LRRC37A2: variants seen among roughly 807,000 people sequenced by gnomAD.
The protein encoded by LRRC37A2 is leucine-rich repeat-containing protein 37A2.
LRRC37A2 carries 9 observed loss-of-function variants against 68.8 expected under a neutral mutation model. That is an observed-to-expected ratio of 0.13 (90% CI 0.08 to 0.23). The LOEUF (loss-of-function observed/expected upper bound fraction) is 0.23, where lower values mean the gene tolerates loss of function less well. Among genes scored for constraint, LRRC37A2 ranks in the 10% least tolerant of loss-of-function variants. The probability of loss-of-function intolerance (pLI) is 1.00; values close to 1 mark genes in which losing one functional copy is unlikely to be tolerated. For missense variants in LRRC37A2, 168 were observed against 950.4 expected (o/e 0.18, Z 10.82); for synonymous variants, 63 against 367.6 (o/e 0.17, Z 9.48).
chr17:46,973,708 C>G, the LRRC37A2 span, among the ~76,000 whole-genome samples: 1 of 152,186 alleles, frequency 6.6e-6, no homozygotes, highest in East Asian at 1.9e-4. Context: ...CTGCTGTGAT[C>G]TTTATTGACA....
At chr17:46,895,581 C>T in the LRRC37A2 span, among the ~76,000 whole-genome samples, 1 of 152,132 alleles carries the variant, frequency 6.6e-6, no homozygotes, top group Admixed American at 6.6e-5. Context: ...TCTCAATAGG[C>T]CTCTAGATAA....
At chr17:46,739,856 A>C in the LRRC37A2 span, among the ~76,000 whole-genome samples, 1 of 151,550 alleles carries the variant, frequency 6.6e-6, no homozygotes, top group Admixed American at 6.6e-5. Flanking sequence ...ACACCACCAC[A>C]CCCAGATAAT....
the LRRC37A2 span, among the ~76,000 whole-genome samples, chr17:46,968,502 C>T: frequency 6.6e-6 from 1 of 152,254 alleles, no homozygotes; most frequent in East Asian, 1.9e-4. Context: ...CCACCAGCCA[C>T]CCAGCCCCTG....
the LRRC37A2 span, among the ~76,000 whole-genome samples, chr17:46,922,656 A>T: frequency 2.0e-5 from 3 of 152,154 alleles, no homozygotes; most frequent in African/African-American, 4.8e-5. Context: ...CATTCAATGT[A>T]GGTTTACTGG....
the LRRC37A2 span, among the ~76,000 whole-genome samples, chr17:46,954,638 T>C: frequency 3.9e-5 from 6 of 152,238 alleles, no homozygotes; most frequent in African/African-American, 1.4e-4. Flanking sequence ...TTTCATGATA[T>C]TGATTCTTCC....
chr17:46,888,774 TAGC>T, the LRRC37A2 span, among the ~76,000 whole-genome samples: 5 of 152,162 alleles, frequency 3.3e-5, no homozygotes, highest in Admixed American at 1.3e-4. Flanking sequence ...ATACCGTTCA[TAGC>T]AGTGAAAACC....
chr17:46,948,070 CT>C, the LRRC37A2 span, among the ~76,000 whole-genome samples: 3,932 of 152,298 alleles, frequency 0.026, 409 homozygotes, highest in East Asian at 0.35. Flanking sequence ...CGCGCCCAGC[CT>C]AGAAGTGATT....
the LRRC37A2 span, among the ~76,000 whole-genome samples, chr17:46,928,500 C>T: frequency 2.6e-4 from 39 of 152,160 alleles, no homozygotes; most frequent in African/African-American, 8.9e-4. Flanking sequence ...AGCAGTATCC[C>T]GAGGACTGAT....
the LRRC37A2 span, among the ~76,000 whole-genome samples, chr17:46,714,785 A>T: frequency 9.8e-5 from 15 of 152,314 alleles, no homozygotes; most frequent in East Asian, 2.9e-3. Context: ...TTTTATTTAA[A>T]TTCTTTTTTT....
the LRRC37A2 span, among the ~76,000 whole-genome samples, chr17:46,808,967 TG>T: frequency 6.6e-6 from 1 of 152,068 alleles, no homozygotes; most frequent in Non-Finnish European, 1.5e-5. Flanking sequence ...CTGAGCCAAG[TG>T]GGGTCCGAGC....
the LRRC37A2 span, among the ~76,000 whole-genome samples, chr17:46,769,381 G>T: frequency 6.6e-6 from 1 of 152,086 alleles, no homozygotes; most frequent in Non-Finnish European, 1.5e-5. Flanking sequence ...TTAACACATG[G>T]GGAAACTGAG....
At chr17:46,960,324 A>G in the LRRC37A2 span, among the ~76,000 whole-genome samples, 1 of 152,218 alleles carries the variant, frequency 6.6e-6, no homozygotes, top group Non-Finnish European at 1.5e-5. Flanking sequence ...CATACATACA[A>G]ACAAACACAA....
chr17:46,772,661 C>G, the LRRC37A2 span, among the ~76,000 whole-genome samples: 1 of 152,206 alleles, frequency 6.6e-6, no homozygotes, highest in East Asian at 1.9e-4. Flanking sequence ...ACCCTCCTGT[C>G]CCATGACAAT....
the LRRC37A2 span, among the ~76,000 whole-genome samples, chr17:46,918,853 A>T: frequency 0.016 from 2,420 of 152,266 alleles, 61 homozygotes; most frequent in African/African-American, 0.056. Flanking sequence ...TTTCCCCTGC[A>T]CATCATATAT....
At chr17:46,392,419 CTCTTTCTTTCTCTCTTTCTTTCTT>C in the LRRC37A2 span, among the ~76,000 whole-genome samples, 5 of 55,748 alleles carry the variant, frequency 9.0e-5, no homozygotes, top group Non-Finnish European at 1.6e-4. Context: ...TTCTCTCTCT[CTCTTTCTTTCTCTCTTTCTTTCTT>C]TCTTTCTTTC....
chr17:46,489,386 C>A, the LRRC37A2 span, among the ~76,000 whole-genome samples: 14 of 105,262 alleles, frequency 1.3e-4, 5 homozygotes, highest in African/African-American at 2.7e-4. Context: ...GATCTGCCTG[C>A]CTCGGCTTTC....
the LRRC37A2 span, among the ~76,000 whole-genome samples, chr17:46,803,126 G>C: frequency 6.6e-6 from 1 of 152,250 alleles, no homozygotes; most frequent in Non-Finnish European, 1.5e-5. Context: ...CCGCAGAATT[G>C]ACAGCTTGCT....
At chr17:46,844,821 T>C in the LRRC37A2 span, among the ~76,000 whole-genome samples, 1 of 151,470 alleles carries the variant, frequency 6.6e-6, no homozygotes, top group Non-Finnish European at 1.5e-5. Flanking sequence ...CTTCCTTCCT[T>C]CCTTCCTTCC....
At chr17:46,965,911 G>A in the LRRC37A2 span, among the ~76,000 whole-genome samples, 13 of 151,630 alleles carry the variant, frequency 8.6e-5, no homozygotes, top group Non-Finnish European at 2.9e-5. Context: ...GATTACAGAC[G>A]TGAGCCACTG....
Sources: gnomAD v4.1 joint callset for allele counts (sites outside exome capture counted in the v4.1 genomes callset) on GRCh38, gnomAD v4.1.1 for gene constraint, MANE v1.5 for transcripts, NCBI Gene and HGNC (gene_info 2026-07-23, HGNC 2026-07-21) for gene names.